The following GXYLT2 variants were observed in gnomAD, a reference collection of about 807,000 sequenced individuals.
The protein encoded by GXYLT2 is glucoside xylosyltransferase 2, also known as glycosyltransferase 8 domain containing 4.
In GXYLT2, 53 loss-of-function variants were observed where a neutral mutation model predicts 45.8. That is an observed-to-expected ratio of 1.16 (90% CI 0.93 to 1.46). The LOEUF (loss-of-function observed/expected upper bound fraction) is 1.46. Ranked by LOEUF, GXYLT2 falls within the 40% of genes most tolerant of loss-of-function variation. GXYLT2 has a pLI of 0.00. For missense variants in GXYLT2, 551 were observed against 544.4 expected (o/e 1.01, Z -0.12); for synonymous variants, 219 against 214.2 (o/e 1.02, Z -0.19).
At position 72,960,051 on chromosome 3, in the gene GXYLT2, T is replaced by C. The variant is rs1710740052; in HGVS notation, c.976+2699T>C. On this transcript the variant is annotated intron_variant, in intron 5 of 6. Coordinates refer to ENST00000389617, the MANE Select transcript of GXYLT2 (RefSeq NM_001080393.2). ...ACCTCTGCCTCCTGGGTTCAAGCGATTCTTCTGCCTCAGCCTCCCGAGCAG... is the reference window on the plus strand; with the variant it reads ...ACCTCTGCCTCCTGGGTTCAAGCGACTCTTCTGCCTCAGCCTCCCGAGCAG... Among the ~76,000 whole-genome samples the C allele has an allele frequency of 3.3e-5, 5 of 152,328 alleles. No individual in the cohort carries two copies. In the South Asian group the frequency reaches 1.0e-3, roughly 32 times the overall value.
chr3:72,922,182 C>A (rs1304264801), intron 2 of GXYLT2, 22 bp from the exon 3 acceptor site: 2 of 1,609,592 alleles, frequency 1.2e-6, no homozygotes, highest in African/African-American at 1.3e-5. Flanking sequence ...ATCACCCTTC[C>A]CTTGCTTCCC....
chr3:72,923,330 A>T (rs1177682569), intron 3 of GXYLT2, among the ~76,000 whole-genome samples: 1 of 152,126 alleles, frequency 6.6e-6, no homozygotes, highest in Non-Finnish European at 1.5e-5. Context: ...TGGGAGGATC[A>T]TCTGAGCTCA....
intron 3 of GXYLT2, among the ~76,000 whole-genome samples, chr3:72,926,144 A>G (rs1025611062): frequency 3.9e-5 from 6 of 152,248 alleles, no homozygotes; most frequent in Non-Finnish European, 8.8e-5. Context: ...ACTGAGGACC[A>G]TGGTCCCACC....
At chr3:72,912,371 A>G (rs1285366593) in intron 2 of GXYLT2, among the ~76,000 whole-genome samples, 1 of 151,918 alleles carries the variant, frequency 6.6e-6, no homozygotes, top group Admixed American at 6.6e-5. Flanking sequence ...GCTGGTTTTG[A>G]ACTCTGGGCT....
chr3:72,922,366 C>T (rs759263676), intron 3 of GXYLT2, 31 bp downstream of exon 3: 12 of 1,595,430 alleles, frequency 7.5e-6, no homozygotes, highest in Non-Finnish European at 1.0e-5. Context: ...TAAGTTGTAG[C>T]TTGCTCCTGG....
intron 3 of GXYLT2, among the ~76,000 whole-genome samples, chr3:72,951,754 G>A (rs1385729499): frequency 1.3e-5 from 2 of 152,132 alleles, no homozygotes; most frequent in Non-Finnish European, 2.9e-5. Context: ...TCAATATTCA[G>A]AATTCTTCCT....
At position 72,908,525 on chromosome 3, in the gene GXYLT2, C is replaced by G. The variant is rs778224663; in HGVS notation, c.434C>G (p.Thr145Ser). 3.1e-6 allele frequency: 5 copies of G among 1,613,074 alleles called. No individual in the cohort carries two copies. Among genetic ancestry groups the G allele is most frequent in the Non-Finnish European group, 4.2e-6 (5 of 1,179,680 alleles). ...SHRKIQFHIF[T>S]EDSLKPEFDK... ...AGGAAGATCCAATTCCACATCTTCA[C>G]TGAAGACTCTCTGAAGCCCGAGTTT... is the stretch of plus-strand genomic sequence containing the variant. Residue 145 changes from threonine to serine, a missense_variant, in exon 2 of 7, where the codon ACT becomes AGT. By Grantham distance (58) the Thr-to-Ser change is moderately conservative. Transcript: ENST00000389617.
intron 5 of GXYLT2, among the ~76,000 whole-genome samples, chr3:72,960,637 T>C (rs1362908348): frequency 1.3e-5 from 2 of 152,256 alleles, no homozygotes; most frequent in Non-Finnish European, 2.9e-5. Context: ...TGACTGTCCT[T>C]CGTACAGCCT....
At chr3:72,957,440 T>A in intron 5 of GXYLT2, 88 bp downstream of exon 5, 1 of 1,331,558 alleles carries the variant, frequency 7.5e-7, no homozygotes, top group African/African-American at 1.5e-5. Context: ...TGCTATTGAC[T>A]AGGCTTGAAT....
chr3:72,919,459 A>G (rs962939881), intron 2 of GXYLT2, among the ~76,000 whole-genome samples: 2 of 152,220 alleles, frequency 1.3e-5, no homozygotes, highest in African/African-American at 4.8e-5. Flanking sequence ...GACTATATAA[A>G]AAGATCAGTA....
At chr3:72,905,560 CA>C (rs1485205286) in intron 1 of GXYLT2, among the ~76,000 whole-genome samples, 1 of 152,130 alleles carries the variant, frequency 6.6e-6, no homozygotes, top group East Asian at 1.9e-4. Context: ...TCCTATTTTT[CA>C]TTTTCAATAA....
Position 72,957,480 on chromosome 3 carries a change from G to A in GXYLT2, c.976+128G>A, listed in dbSNP as rs146111080. 4,063 of 968,824 alleles carry A rather than the reference G, an allele frequency of 4.2e-3. 16 individuals carry two copies. The highest frequency in any genetic ancestry group is 5.2e-3 in the Non-Finnish European group (3,505 of 678,756). 60.0% of individuals were successfully genotyped at this position (968,824 alleles called of 1,614,324 possible). A position where few individuals can be genotyped will look rare whatever the true frequency, so the allele number is the denominator to read the frequency against. On this transcript the variant is annotated intron_variant, in intron 5 of 6. Coordinates refer to ENST00000389617, the MANE Select transcript of GXYLT2 (RefSeq NM_001080393.2). ...CACAGAGGAGCCTGTGTTCCCCAGC[G>A]AAGTTTGCCCTTTCATCCGCCCCCC...
chr3:72,922,746 A>G (rs889149075), intron 3 of GXYLT2, among the ~76,000 whole-genome samples: 1 of 152,234 alleles, frequency 6.6e-6, no homozygotes, highest in African/African-American at 2.4e-5. Context: ...ATACTAGGCT[A>G]TCATTCCAAA....
intron 5 of GXYLT2, among the ~76,000 whole-genome samples, chr3:72,964,553 C>T (rs972185046): frequency 2.0e-5 from 3 of 151,706 alleles, no homozygotes; most frequent in Non-Finnish European, 4.4e-5. Flanking sequence ...GAACTCCTGA[C>T]CTCGTGATCC....
intron 5 of GXYLT2, among the ~76,000 whole-genome samples, chr3:72,959,393 C>T (rs1220734342): frequency 6.6e-6 from 1 of 151,532 alleles, no homozygotes; most frequent in Non-Finnish European, 1.5e-5. Context: ...GTTGGGATTA[C>T]AGGCATCAGC....
At chr3:72,915,354 T>TTTG (rs71126805) in intron 2 of GXYLT2, among the ~76,000 whole-genome samples, 68 of 33,464 alleles carry the variant, frequency 2.0e-3, no homozygotes, top group African/African-American at 2.4e-3. Context: ...TTTTTTTTTT[T>TTTG]GCGGGGGGGG....
chr3:72,907,483 A>G (rs1306072137), intron 1 of GXYLT2, among the ~76,000 whole-genome samples: 1 of 151,976 alleles, frequency 6.6e-6, no homozygotes, highest in Non-Finnish European at 1.5e-5. Flanking sequence ...GTCTCAGGGC[A>G]CCTTTTCCAG....
chr3:72,960,566 C>T (rs1043157418), intron 5 of GXYLT2, among the ~76,000 whole-genome samples: 1 of 152,144 alleles, frequency 6.6e-6, no homozygotes, highest in East Asian at 1.9e-4. Flanking sequence ...TGGTTCTGCA[C>T]AGTATCAAGT....
intron 1 of GXYLT2, among the ~76,000 whole-genome samples, chr3:72,904,160 A>C (rs1398176516): frequency 6.6e-6 from 1 of 152,246 alleles, no homozygotes; most frequent in Non-Finnish European, 1.5e-5. Flanking sequence ...ATTAACCATC[A>C]GTCACAGCAG....
Sources: allele counts gnomAD v4.1 joint callset (sites outside exome capture counted in the v4.1 genomes callset), GRCh38; gene constraint gnomAD v4.1.1; transcripts MANE v1.5; gene names NCBI Gene and HGNC (gene_info 2026-07-23, HGNC 2026-07-21).